BAG1: variants seen among roughly 807,000 people sequenced by gnomAD.
The protein encoded by BAG1 is BAG cochaperone 1.
Under a neutral mutation model 35.5 loss-of-function variants are expected in BAG1, and 35 were observed. That is an observed-to-expected ratio of 0.99 (90% CI 0.75 to 1.31). The LOEUF (loss-of-function observed/expected upper bound fraction) is 1.31, where lower values mean the gene tolerates loss of function less well. Ranked by LOEUF, BAG1 falls within the 50% of genes most tolerant of loss-of-function variation. The probability of loss-of-function intolerance (pLI) is 0.00; values close to 1 mark genes in which losing one functional copy is unlikely to be tolerated. For missense variants in BAG1, 464 were observed against 453.6 expected (o/e 1.02, Z -0.21); for synonymous variants, 191 against 178.9 (o/e 1.07, Z -0.54).
At position 33,252,993 on chromosome 9, in the gene BAG1, C is replaced by A. The variant is rs1341223439; in HGVS notation, c.*2226G>T. ...AGAGTGGCTGACAGCAGACAGCCAA[C>A]AAATGAGGGGGTTGAGATGAGATGG... is the stretch of plus-strand genomic sequence containing the variant. On this transcript the variant is annotated 3_prime_UTR_variant, in exon 7 of 7. Transcript: ENST00000634734. The A allele has an allele frequency of 6.6e-6, 1 of 152,110 alleles. No individual in the cohort carries two copies. Among genetic ancestry groups the A allele is most frequent in the Non-Finnish European group, 1.5e-5 (1 of 68,080 alleles). 9.4% of individuals were successfully genotyped at this position (152,110 alleles called of 1,614,324 possible). A position where few individuals can be genotyped will look rare whatever the true frequency, so the allele number is the denominator to read the frequency against.
In BAG1 at chr9:33,254,777, G is replaced by A. The variant is rs1294854299; in HGVS notation, c.*442C>T. ...GTTCTAGGCCATTCCCAATATTCCT[G>A]ACTAGGTGCAACCTCCTGGTGATTC... On this transcript the variant is annotated 3_prime_UTR_variant, in exon 7 of 7. Transcript: ENST00000634734. The A allele has an allele frequency of 9.2e-6, 3 of 326,342 alleles. No individual in the cohort carries two copies. Among genetic ancestry groups the A allele is most frequent in the African/African-American group, 4.3e-5 (2 of 46,248 alleles). The allele number at this position is 326,342 out of a possible 1,614,324, so 20.2% of individuals were successfully genotyped here. A position where few individuals can be genotyped will look rare whatever the true frequency, so the allele number is the denominator to read the frequency against.
In BAG1 at chr9:33,261,078, G is replaced by C. The variant is rs200482625; in HGVS notation, c.663+9C>G. On this transcript the variant is annotated intron_variant, in intron 3 of 6. Coordinates refer to ENST00000634734, the MANE Select transcript of BAG1 (RefSeq NM_004323.6). ...ATTCTGAGGATTTCTGATGGAAAAA[G>C]CAATTTACCTTTTTCCCAATTAACA... The C allele has an allele frequency of 2.0e-4, 324 of 1,597,468 alleles. No individual in the cohort carries two copies. The highest frequency in any genetic ancestry group is 2.5e-4 in the Non-Finnish European group (292 of 1,170,656).
chr9:33,262,042 A>G (rs1820582420), intron 2 of BAG1: 1 of 1,224,980 alleles, frequency 8.2e-7, no homozygotes, highest in Admixed American at 2.9e-5. Context: ...TAGTAATTTC[A>G]TAGAAGTGAT....
intron 4 of BAG1, 128 bp downstream of exon 4, chr9:33,258,792 T>A: frequency 1.5e-6 from 1 of 683,370 alleles, no homozygotes; most frequent in South Asian, 1.9e-5. Context: ...TTGTTCACAG[T>A]AAGAGAAAGG....
intron 4 of BAG1, 84 bp from the exon 5 acceptor site, chr9:33,256,992 C>T: frequency 2.0e-6 from 2 of 1,007,862 alleles, no homozygotes; most frequent in Non-Finnish European, 3.1e-6. Flanking sequence ...TGCAATCACA[C>T]TGAGCCCACC....
In BAG1 at chr9:33,264,393, C is replaced by G. The variant is rs751467121; in HGVS notation, c.282G>C (p.Leu94=). ...CTTCACTCCAGGTCGCTTCCTCACT[C>G]AGGGTCAACTCCTCGCTCCGGGTCA... is the stretch of plus-strand genomic sequence containing the variant. Residue 94 remains leucine (L), a synonymous_variant, in exon 1 of 7, where the codon CTG becomes CTC. Transcript: ENST00000634734. 2 of 1,611,646 alleles carry G rather than the reference C, an allele frequency of 1.2e-6. No individual in the cohort carries two copies. The highest frequency in any genetic ancestry group is 1.7e-6 in the Non-Finnish European group (2 of 1,179,238).
intron 4 of BAG1, 133 bp from the exon 5 acceptor site, chr9:33,257,041 C>CT (rs1275704013): frequency 1.6e-6 from 1 of 640,300 alleles, no homozygotes; most frequent in Non-Finnish European, 2.7e-6. Flanking sequence ...AGATCCACAA[C>CT]TTTAACTCTT....
intron 4 of BAG1, among the ~76,000 whole-genome samples, chr9:33,258,314 A>AAAAAAGC (rs1820499628): frequency 3.3e-5 from 5 of 150,626 alleles, no homozygotes; most frequent in Non-Finnish European, 7.4e-5. Context: ...AAAAAAAAAA[A>AAAAAAGC]AAAAAAAAGC....
intron 4 of BAG1, chr9:33,257,843 T>G (rs1820486377): frequency 6.6e-6 from 1 of 152,214 alleles, no homozygotes; most frequent in Non-Finnish European, 1.5e-5. Context: ...TAAATAACAT[T>G]ATATCAAATT....
Position 33,256,884 on chromosome 9 carries a change from C to T in BAG1, c.802G>A (p.Ala268Thr). The T allele has an allele frequency of 6.2e-7, 1 of 1,614,184 alleles. No individual in the cohort carries two copies. The change falls in exon 5 of 7, where the codon GCT (alanine) becomes ACT (threonine). Residue 268 changes from alanine to threonine, a missense_variant. Ala to Thr is a moderately conservative substitution (Grantham distance 58). Coordinates refer to ENST00000634734, the MANE Select transcript of BAG1 (RefSeq NM_004323.6). The stretch of plus-strand genomic sequence containing the variant: ...CTATCAAGTTTGCAGAGAGCTTCAG[C>T]TTGCAAATCCTTGGGCAGAAAACCC...
Position 33,259,024 on chromosome 9 carries a change from G to A in BAG1, c.673C>T (p.Gln225Ter), listed in dbSNP as rs374090558. The change falls in exon 4 of 7, where the codon CAG becomes TAG. Residue 225 changes from glutamine (Q) to a stop codon, truncating the protein, a stop_gained. Transcript: ENST00000634734. LOFTEE classifies it high-confidence loss of function. ...AACTTCTTTAGTTCAACCTCTTCCT[G>A]TGGACTGTTCTAAAATGTTTAAGAA... 1.2e-6 allele frequency: 2 copies of A among 1,613,440 alleles called. No individual in the cohort carries two copies. Among genetic ancestry groups the A allele is most frequent in the Non-Finnish European group, 1.7e-6 (2 of 1,179,552 alleles).
chr9:33,264,443 G>A lies in BAG1; in HGVS notation c.232C>T (p.Arg78Cys). 6.2e-7 allele frequency: 1 copy of A among 1,613,642 alleles called. No homozygotes were observed. The highest frequency in any genetic ancestry group is 8.5e-7 in the Non-Finnish European group (1 of 1,179,664). ...AACTCCTCGCTCCGGGTCGAGCGGC[G>A]CCGGGTTTTCTTCTTCATCCGCGGC... The change falls in exon 1 of 7, where the codon CGC (arginine) becomes TGC (cysteine). Residue 78 changes from arginine to cysteine, a missense_variant. Arg to Cys is a radical substitution (Grantham distance 180). Transcript: ENST00000634734.
rs1490147434 is a variant in BAG1 at position 33,264,334 on chromosome 9, T to G, written c.341A>C (p.Glu114Ala). 1 of 1,612,188 alleles carries G rather than the reference T, an allele frequency of 6.2e-7. No homozygotes were observed. The highest frequency in any genetic ancestry group is 8.5e-7 in the Non-Finnish European group (1 of 1,179,422). The change falls in exon 1 of 7, where the codon GAA becomes GCA. Residue 114 changes from glutamate to alanine, a missense_variant. Physicochemically the swap from Glu to Ala is moderately radical, Grantham distance 107 (BLOSUM62 -1). Transcript: ENST00000634734. Reference sequence around the variant, plus strand: ...CACCTCCTGGCTCCGATTCATCTCTTCGCCCTGGGTCGCCTCCTCACTCTG... The same window carrying G: ...CACCTCCTGGCTCCGATTCATCTCTGCGCCCTGGGTCGCCTCCTCACTCTG...
At chr9:33,263,177 T>C (rs970087711) in intron 1 of BAG1, among the ~76,000 whole-genome samples, 3 of 152,250 alleles carry the variant, frequency 2.0e-5, no homozygotes, top group South Asian at 2.1e-4. Context: ...GGACTGCCTA[T>C]GGAGACTCAA....
intron 1 of BAG1, 159 bp downstream of exon 1, chr9:33,264,065 G>T (rs1820643980): frequency 1.1e-6 from 1 of 875,640 alleles, no homozygotes. Context: ...ACACAAGCCC[G>T]GGACAAAAGA....
intron 2 of BAG1, chr9:33,262,165 T>G (rs1820586104): frequency 7.8e-7 from 1 of 1,289,700 alleles, no homozygotes; most frequent in South Asian, 1.2e-5. Flanking sequence ...GCCATCATCA[T>G]AAGACTTCAA....
In BAG1 at chr9:33,255,317, T is replaced by G. The variant is rs1192732805; in HGVS notation, c.949-9A>C. The G allele has an allele frequency of 6.2e-7, 1 of 1,614,058 alleles. No individual in the cohort carries two copies. Among genetic ancestry groups the G allele is most frequent in the South Asian group, 1.1e-5 (1 of 91,080 alleles). ...CACTCGGCTAGGAATGCCTAGAAAATACACACGGGGCAGTAAGGGCCCATC... is the reference window on the plus strand; with the variant it reads ...CACTCGGCTAGGAATGCCTAGAAAAGACACACGGGGCAGTAAGGGCCCATC... On this transcript the variant is annotated splice_polypyrimidine_tract_variant and intron_variant, in intron 6 of 6. Transcript: ENST00000634734.
At chr9:33,262,666 AAAAAG>A in intron 2 of BAG1, 31 bp downstream of exon 2, 1 of 1,559,778 alleles carries the variant, frequency 6.4e-7, no homozygotes, top group Non-Finnish European at 8.6e-7. Context: ...TCAAAAAAAA[AAAAAG>A]AAAAAGAAAG....
Position 33,256,930 on chromosome 9 carries a change from T to C in BAG1, c.778-22A>G, listed in dbSNP as rs770211672. On this transcript the variant is annotated intron_variant, in intron 4 of 6. Transcript: ENST00000634734. Reference sequence around the variant, plus strand: ...AACCCTGCGGGGAAATAATGCATTATTGCAAGGGTTCTCTGAGGCTGACGG... The same window carrying C: ...AACCCTGCGGGGAAATAATGCATTACTGCAAGGGTTCTCTGAGGCTGACGG... 9.5e-6 allele frequency: 15 copies of C among 1,580,426 alleles called. No individual in the cohort carries two copies. The Admixed American group carries it at 1.3e-4, about 14-fold the overall frequency.
Sources: allele counts gnomAD v4.1 joint callset (sites outside exome capture counted in the v4.1 genomes callset), GRCh38; gene constraint gnomAD v4.1.1; transcripts MANE v1.5; gene names NCBI Gene and HGNC (gene_info 2026-07-23, HGNC 2026-07-21).